CCSER1: variants seen among roughly 807,000 people sequenced by gnomAD.
CCSER1 encodes the protein coiled-coil serine rich protein 1.
CCSER1 carries 41 observed loss-of-function variants against 82.0 expected under a neutral mutation model. The observed-to-expected ratio is 0.50, with a 90% CI of 0.39 to 0.65. The LOEUF (loss-of-function observed/expected upper bound fraction) is 0.65. Among genes scored for constraint, CCSER1 ranks in the 30% least tolerant of loss-of-function variants. The pLI is 0.00. For missense variants in CCSER1, 1,119 were observed against 1,064.2 expected (o/e 1.05, Z -0.72); for synonymous variants, 414 against 383.9 (o/e 1.08, Z -0.92).
At chr4:91,234,628 C>T (rs1426886148) in intron 10 of CCSER1, among the ~76,000 whole-genome samples, 2 of 151,976 alleles carry the variant, frequency 1.3e-5, no homozygotes, top group Non-Finnish European at 2.9e-5. Context: ...CACTTTTTGC[C>T]ATTTATAGTC....
chr4:90,564,658 G>A (rs949068628), intron 5 of CCSER1, among the ~76,000 whole-genome samples: 1 of 149,572 alleles, frequency 6.7e-6, no homozygotes, highest in African/African-American at 2.5e-5. Context: ...ATGGCTTCAG[G>A]TCTTATATTT....
At chr4:90,893,911 T>C (rs1465678702) in intron 8 of CCSER1, among the ~76,000 whole-genome samples, 1 of 152,004 alleles carries the variant, frequency 6.6e-6, no homozygotes, top group Admixed American at 6.6e-5. Context: ...ATATTTTCAT[T>C]TTATGTTATT....
chr4:91,245,753 A>G (rs1468006344), intron 10 of CCSER1, among the ~76,000 whole-genome samples: 1 of 152,024 alleles, frequency 6.6e-6, no homozygotes. Context: ...CTGGAGTGCA[A>G]TGGCATGATC....
intron 8 of CCSER1, among the ~76,000 whole-genome samples, chr4:90,846,986 A>G (rs2149904780): frequency 6.6e-6 from 1 of 152,254 alleles, no homozygotes; most frequent in African/African-American, 2.4e-5. Context: ...GTTAGTCTTA[A>G]TTTGATTTAA....
intron 1 of CCSER1, among the ~76,000 whole-genome samples, chr4:90,254,745 C>G (rs1722964439): frequency 6.6e-6 from 1 of 152,050 alleles, no homozygotes. Flanking sequence ...GGCCATGGCT[C>G]ACATGCCATA....
chr4:91,382,024 C>A (rs1418084801), intron 10 of CCSER1, among the ~76,000 whole-genome samples: 1 of 152,158 alleles, frequency 6.6e-6, no homozygotes, highest in African/African-American at 2.4e-5. Flanking sequence ...AGGCCCATTC[C>A]AGATCCTGTT....
chr4:90,979,071 A>T (rs1258898739), intron 9 of CCSER1, among the ~76,000 whole-genome samples: 1 of 151,710 alleles, frequency 6.6e-6, no homozygotes, highest in Non-Finnish European at 1.5e-5. Context: ...TTCCTTTCAT[A>T]GTTCTAAGTT....
At chr4:90,906,778 G>C (rs72881397) in intron 8 of CCSER1, among the ~76,000 whole-genome samples, 2,353 of 151,988 alleles carry the variant, frequency 0.015, 53 homozygotes, top group African/African-American at 0.053. Context: ...AGTGATGCAA[G>C]GGTTCTGGTT....
At chr4:90,587,723 A>G (rs1782193647) in intron 5 of CCSER1, among the ~76,000 whole-genome samples, 1 of 152,188 alleles carries the variant, frequency 6.6e-6, no homozygotes, top group Admixed American at 6.5e-5. Context: ...GTGTAGTCAA[A>G]AATAATATCC....
At chr4:90,933,985 T>G (rs539135715) in intron 9 of CCSER1, among the ~76,000 whole-genome samples, 1 of 151,918 alleles carries the variant, frequency 6.6e-6, no homozygotes, top group South Asian at 2.1e-4. Context: ...TTTTGAAAAC[T>G]CTAATATAAT....
Position 90,870,546 on chromosome 4 carries a change from A to C in CCSER1, c.2095-52824A>C, listed in dbSNP as rs573877653. On this transcript the variant is annotated intron_variant, in intron 8 of 10. Coordinates refer to ENST00000509176, the MANE Select transcript of CCSER1 (RefSeq NM_001145065.2). ...ATCCTGGAGATAAACCCACTTGCTCATGATGAATGATCTTTTTAATGTGTT... is the reference window on the plus strand; with the variant it reads ...ATCCTGGAGATAAACCCACTTGCTCCTGATGAATGATCTTTTTAATGTGTT... Among the ~76,000 whole-genome samples the C allele has an allele frequency of 1.6e-4, 24 of 151,926 alleles. No homozygotes were observed. In the East Asian group the frequency reaches 4.6e-3, roughly 29 times the overall value.
At chr4:90,951,662 G>C (rs1407269023) in intron 9 of CCSER1, among the ~76,000 whole-genome samples, 4 of 151,998 alleles carry the variant, frequency 2.6e-5, no homozygotes, top group African/African-American at 9.7e-5. Flanking sequence ...ACTACATTTT[G>C]TTAATGCTTT....
At chr4:90,158,902 C>G (rs1437011348) in intron 1 of CCSER1, among the ~76,000 whole-genome samples, 2 of 152,112 alleles carry the variant, frequency 1.3e-5, no homozygotes, top group Non-Finnish European at 2.9e-5. Flanking sequence ...CGCCCACTAT[C>G]TGGCACTCCG....
intron 6 of CCSER1, among the ~76,000 whole-genome samples, chr4:90,657,236 TG>T (rs1267031372): frequency 6.6e-6 from 1 of 152,136 alleles, no homozygotes; most frequent in Non-Finnish European, 1.5e-5. Context: ...TAAAAAAATC[TG>T]TTTGCAGTTA....
At chr4:90,243,139 C>T (rs1720709705) in intron 1 of CCSER1, among the ~76,000 whole-genome samples, 1 of 149,356 alleles carries the variant, frequency 6.7e-6, no homozygotes. Flanking sequence ...TCATAGCTCA[C>T]TGCAGCTTCA....
intron 3 of CCSER1, among the ~76,000 whole-genome samples, chr4:90,394,096 C>CTT (rs112880001): frequency 1.5e-5 from 2 of 133,718 alleles, no homozygotes; most frequent in Non-Finnish European, 3.2e-5. Flanking sequence ...TTACATCTTA[C>CTT]TTTTTTTTTT....
intron 4 of CCSER1, among the ~76,000 whole-genome samples, chr4:90,460,194 G>A (rs970149856): frequency 3.4e-5 from 5 of 147,690 alleles, no homozygotes; most frequent in Admixed American, 6.7e-5. Context: ...GCATGGTGGC[G>A]CGTGCCTGTA....
At chr4:91,557,508 TAAAC>T (rs1368059907) in intron 10 of CCSER1, among the ~76,000 whole-genome samples, 1 of 151,414 alleles carries the variant, frequency 6.6e-6, no homozygotes, top group Non-Finnish European at 1.5e-5. Context: ...CATAAATAAA[TAAAC>T]AATATTTATT....
intron 1 of CCSER1, among the ~76,000 whole-genome samples, chr4:90,303,316 G>A (rs1381950502): frequency 6.6e-6 from 1 of 151,942 alleles, no homozygotes; most frequent in East Asian, 1.9e-4. Flanking sequence ...AGTTCATATG[G>A]AACCAAAAAA....
Sources: allele counts gnomAD v4.1 joint callset (sites outside exome capture counted in the v4.1 genomes callset), GRCh38; gene constraint gnomAD v4.1.1; transcripts MANE v1.5; gene names NCBI Gene and HGNC (gene_info 2026-07-23, HGNC 2026-07-21).